The following PTGS1 variants were observed in gnomAD, a reference collection of about 807,000 sequenced individuals.
PTGS1 encodes the protein prostaglandin G/H synthase 1.
Under a neutral mutation model 63.0 loss-of-function variants are expected in PTGS1, and 40 were observed. The ratio of observed to expected loss-of-function variants is 0.63; its 90% CI spans 0.49 to 0.83. The LOEUF (loss-of-function observed/expected upper bound fraction) is 0.83. Among genes scored for constraint, PTGS1 ranks in the 40% least tolerant of loss-of-function variants. The pLI is 0.00. For synonymous variants in PTGS1, 298 were observed against 301.9 expected (o/e 0.99, Z 0.13); for missense variants, 709 against 786.5 (o/e 0.90, Z 1.18).
In PTGS1 at chr9:122,378,583, G is replaced by T. The variant is rs765277898; in HGVS notation, c.352+10G>T. Reference sequence around the variant, plus strand: ...CGCCTGGTACTCACAGGTGGGTGTGGGGCAGGGCCCCCTGACCTGGGGGAG... The same window carrying T: ...CGCCTGGTACTCACAGGTGGGTGTGTGGCAGGGCCCCCTGACCTGGGGGAG... On this transcript the variant is annotated intron_variant, in intron 4 of 10. Coordinates refer to ENST00000362012, the MANE Select transcript of PTGS1 (RefSeq NM_000962.4). The T allele has an allele frequency of 2.5e-6, 4 of 1,614,132 alleles. No homozygotes were observed. In the East Asian group the frequency reaches 8.9e-5, roughly 36 times the overall value.
chr9:122,394,174 C>A lies in PTGS1; in HGVS notation c.*1630C>A, dbSNP rs1302192218. On this transcript the variant is annotated 3_prime_UTR_variant, in exon 11 of 11. Coordinates refer to ENST00000362012, the MANE Select transcript of PTGS1 (RefSeq NM_000962.4). ...ATCTCAGGGCAGACAGCCCTCCACT[C>A]CAGCTCTGAGACCCTTTTCTCAGGA... is the stretch of plus-strand genomic sequence containing the variant. The A allele has an allele frequency of 6.6e-6, 1 of 152,344 alleles. No individual in the cohort carries two copies. The highest frequency in any genetic ancestry group is 2.4e-5 in the African/African-American group (1 of 41,446). 9.4% of individuals were successfully genotyped at this position (152,344 alleles called of 1,614,324 possible).
rs539608410 is a variant in PTGS1 at position 122,378,554 on chromosome 9, C to T, written c.333C>T (p.Leu111=). The change falls in exon 4 of 11, where the codon CTC becomes CTT. Residue 111 remains leucine, a synonymous_variant. Transcript: ENST00000362012. The stretch of plus-strand genomic sequence containing the variant: ...ATGCCACCTTCATCCGAGAGATGCT[C>T]ATGCGCCTGGTACTCACAGGTGGGT... ...FVNATFIREM[L]MRLVLTVRSN... is the part of the protein sequence containing the mutation. 4.7e-5 allele frequency: 76 copies of T among 1,614,254 alleles called. No homozygotes were observed. The highest frequency in any genetic ancestry group is 6.3e-5 in the Non-Finnish European group (74 of 1,180,046).
At chr9:122,371,752 A>G in intron 2 of PTGS1, 1 of 1,530,388 alleles carries the variant, frequency 6.5e-7, no homozygotes, top group African/African-American at 1.4e-5. Flanking sequence ...AGAACATGGG[A>G]GATGGAAATA....
Position 122,371,056 on chromosome 9 carries a change from T to A in PTGS1, c.-29T>A. On this transcript the variant is annotated 5_prime_UTR_variant, in exon 1 of 11. Coordinates refer to ENST00000362012, the MANE Select transcript of PTGS1 (RefSeq NM_000962.4). ...GAGGCGCACGCACAGGAGCCTGCAC[T>A]CTGCGTCCCGCACCCCAGCAGCCGC... 1 of 1,586,246 alleles carries A rather than the reference T, an allele frequency of 6.3e-7. No individual in the cohort carries two copies. The highest frequency in any genetic ancestry group is 8.5e-7 in the Non-Finnish European group (1 of 1,173,576).
chr9:122,375,572 C>A, intron 2 of PTGS1: 3 of 844,636 alleles, frequency 3.6e-6, no homozygotes, highest in Non-Finnish European at 4.3e-6. Context: ...GAAGAGAAAG[C>A]CTTAAGGGAA....
intron 5 of PTGS1, among the ~76,000 whole-genome samples, chr9:122,380,331 T>TGTGTG (rs1491256632): frequency 6.6e-6 from 1 of 151,912 alleles, no homozygotes; most frequent in Non-Finnish European, 1.5e-5. Context: ...TGGGTGAAGT[T>TGTGTG]GTGTGTGCCT....
intron 8 of PTGS1, 52 bp from the exon 9 acceptor site, chr9:122,386,394 C>T: frequency 1.3e-6 from 2 of 1,580,842 alleles, no homozygotes; most frequent in Non-Finnish European, 1.7e-6. Context: ...CCAAGCTGGG[C>T]ATCTAAATCA....
chr9:122,384,264 C>T (rs577990860), intron 8 of PTGS1, among the ~76,000 whole-genome samples: 78 of 152,230 alleles, frequency 5.1e-4, no homozygotes, highest in African/African-American at 1.7e-3. Context: ...CCTATGGGGG[C>T]GAGTCTGCAA....
upstream of PTGS1, chr9:122,371,019 C>A: frequency 1.3e-6 from 2 of 1,543,006 alleles, no homozygotes; most frequent in Non-Finnish European, 1.7e-6. Context: ...GCTGGAGCTC[C>A]GGGCAGTGTG....
chr9:122,375,136 C>A (rs10306129), intron 2 of PTGS1, among the ~76,000 whole-genome samples: 2,157 of 152,284 alleles, frequency 0.014, 56 homozygotes, highest in African/African-American at 0.049. Flanking sequence ...CAGCGGCAGG[C>A]CCACTGTTGT....
chr9:122,377,447 G>A (rs1027847882), intron 2 of PTGS1, among the ~76,000 whole-genome samples: 13 of 152,144 alleles, frequency 8.5e-5, no homozygotes, highest in Admixed American at 1.3e-4. Context: ...CCCCGTCCTC[G>A]TCCTCGTCCC....
intron 10 of PTGS1, among the ~76,000 whole-genome samples, chr9:122,391,904 G>A (rs559943738): frequency 6.6e-6 from 1 of 152,102 alleles, no homozygotes; most frequent in South Asian, 2.1e-4. Context: ...GTTGCTCAAG[G>A]TTATAGGCTG....
At chr9:122,391,596 A>G (rs1042038352) in intron 10 of PTGS1, among the ~76,000 whole-genome samples, 1 of 151,330 alleles carries the variant, frequency 6.6e-6, no homozygotes, top group African/African-American at 2.4e-5. Context: ...GGGAAGCTCC[A>G]TATTTGTCTC....
In PTGS1 at chr9:122,390,266, G is replaced by C; in HGVS notation, c.1365G>C (p.Arg455=). The C allele has an allele frequency of 6.2e-7, 1 of 1,614,160 alleles. No homozygotes were observed. The highest frequency in any genetic ancestry group is 1.1e-5 in the South Asian group (1 of 91,078). ...HVAVDVIRES[R]EMRLQPFNEY... is the part of the protein sequence containing the mutation. ...CTGTGGATGTCATCAGGGAGTCTCG[G>C]GAGATGCGGCTGCAGCCCTTCAATG... The change falls in exon 10 of 11, where the codon CGG becomes CGC. Residue 455 remains arginine (R), a synonymous_variant. Coordinates refer to ENST00000362012, the MANE Select transcript of PTGS1 (RefSeq NM_000962.4).
At chr9:122,389,474 A>T (rs1411256293) in intron 9 of PTGS1, among the ~76,000 whole-genome samples, 1 of 152,108 alleles carries the variant, frequency 6.6e-6, no homozygotes, top group Non-Finnish European at 1.5e-5. Flanking sequence ...TCTTTAGACT[A>T]ATGCGCCTTA....
At chr9:122,390,815 T>A (rs1838176013) in intron 10 of PTGS1, among the ~76,000 whole-genome samples, 1 of 152,140 alleles carries the variant, frequency 6.6e-6, no homozygotes, top group Middle Eastern at 3.4e-3. Flanking sequence ...GAGAATGGTG[T>A]GAACCTGGGA....
At chr9:122,378,990 G>A in intron 5 of PTGS1, 72 bp downstream of exon 5, 1 of 1,572,492 alleles carries the variant, frequency 6.4e-7, no homozygotes, top group South Asian at 1.2e-5. Flanking sequence ...GAAAAATCAG[G>A]CGAAGAACAA....
chr9:122,378,474 C>A lies in PTGS1; in HGVS notation c.253C>A (p.Pro85Thr), dbSNP rs774902601. The A allele has an allele frequency of 1.2e-6, 2 of 1,614,238 alleles. No individual in the cohort carries two copies. Among genetic ancestry groups the A allele is most frequent in the Non-Finnish European group, 1.7e-6 (2 of 1,180,056 alleles). Reference sequence around the variant, plus strand: ...GCTCCGGAATTCACTGCGGCCCAGCCCCTCTTTCACCCACTTCCTGCTCAC... The same window carrying A: ...GCTCCGGAATTCACTGCGGCCCAGCACCTCTTTCACCCACTTCCTGCTCAC... Reference protein sequence around the residue: ...TWLRNSLRPSPSFTHFLLTHG... With the variant: ...TWLRNSLRPSTSFTHFLLTHG... Residue 85 changes from proline to threonine, a missense_variant, in exon 4 of 11, where the codon CCC (proline) becomes ACC (threonine). Pro to Thr is a conservative substitution (Grantham distance 38, BLOSUM62 -1). Transcript: ENST00000362012.
At position 122,392,276 on chromosome 9, in the gene PTGS1, G is replaced by A; in HGVS notation, c.1532G>A (p.Cys511Tyr). The A allele has an allele frequency of 6.2e-7, 1 of 1,613,688 alleles. No individual in the cohort carries two copies. Among genetic ancestry groups the A allele is most frequent in the Admixed American group, 1.7e-5 (1 of 59,998 alleles). ...TACCCTGGACTGCTTCTTGAAAAGT[G>A]CCATCCAAACTCTATCTTTGGGGAG... Reference protein sequence around the residue: ...EFYPGLLLEKCHPNSIFGESM... With the variant: ...EFYPGLLLEKYHPNSIFGESM... Residue 511 changes from cysteine to tyrosine, a missense_variant, in exon 11 of 11, where the codon TGC becomes TAC. Coordinates refer to ENST00000362012, the MANE Select transcript of PTGS1 (RefSeq NM_000962.4).
Sources: allele counts gnomAD v4.1 joint callset (sites outside exome capture counted in the v4.1 genomes callset), GRCh38; gene constraint gnomAD v4.1.1; transcripts MANE v1.5; gene names NCBI Gene and HGNC (gene_info 2026-07-23, HGNC 2026-07-21).